The following EFHC2 variants were observed in gnomAD, a reference collection of about 807,000 sequenced individuals.
EFHC2 encodes the protein EF-hand domain containing 2.
Under a neutral mutation model 52.7 loss-of-function variants are expected in EFHC2, and 18 were observed. That is an observed-to-expected ratio of 0.34 (90% CI 0.24 to 0.51). EFHC2 has a LOEUF of 0.51. EFHC2 is among the 20% of genes least tolerant of loss of function. EFHC2 has a pLI of 0.97. For synonymous variants in EFHC2, 203 were observed against 204.1 expected (o/e 0.99, Z 0.04); for missense variants, 513 against 562.5 (o/e 0.91, Z 0.89).
intron 13 of EFHC2, among the ~76,000 whole-genome samples, chrX:44,172,692 G>T (rs185506027): frequency 6.0e-4 from 67 of 112,301 alleles, no homozygotes; most frequent in African/African-American, 2.1e-3. Flanking sequence ...CAGTCTTTCA[G>T]TGAGAGACTC....
In EFHC2 at chrX:44,261,067, T is replaced by C. The variant is rs781155773; in HGVS notation, c.606+8A>G. 20 of 1,194,353 alleles carry C rather than the reference T, an allele frequency of 1.7e-5. No homozygotes were observed. The highest frequency in any genetic ancestry group is 2.3e-5 in the Non-Finnish European group (20 of 882,847). The stretch of plus-strand genomic sequence containing the variant: ...AAGACAAGAACTCAACAAACGTCAA[T>C]TCCTTACCTCTCTCCGAATCTTCAT... On this transcript the variant is annotated splice_region_variant and intron_variant, in intron 4 of 14. Coordinates refer to ENST00000420999, the MANE Select transcript of EFHC2 (RefSeq NM_025184.4).
At chrX:44,196,451 T>A (rs1381363936) in intron 11 of EFHC2, among the ~76,000 whole-genome samples, 1 of 112,240 alleles carries the variant, frequency 8.9e-6, no homozygotes, top group African/African-American at 3.2e-5. Context: ...ACTGTCTACA[T>A]CTTTCTAGCT....
Position 44,178,563 on chromosome X carries a change from C to G in EFHC2, c.1753G>C (p.Asp585His). ...TNMVDYNTFR[D>H]ILMSLTVGNL... ...CCAACAGTCAAAGACATCAATATGTCTCTGTAATAAAAATGGAAAAACATT... is the reference window on the plus strand; with the variant it reads ...CCAACAGTCAAAGACATCAATATGTGTCTGTAATAAAAATGGAAAAACATT... Residue 585 changes from aspartate (D) to histidine (H), a missense_variant and splice_region_variant, in exon 12 of 15, where the codon GAC becomes CAC. Transcript: ENST00000420999. 1 of 1,169,433 alleles carries G rather than the reference C, an allele frequency of 8.6e-7. No homozygotes were observed. The highest frequency in any genetic ancestry group is 1.1e-6 in the Non-Finnish European group (1 of 876,887).
intron 13 of EFHC2, among the ~76,000 whole-genome samples, chrX:44,167,630 G>T (rs1005103886): frequency 1.4e-4 from 16 of 112,203 alleles, no homozygotes; most frequent in African/African-American, 5.2e-4. Flanking sequence ...GAGAAAAAAT[G>T]CTTGAACGAG....
chrX:44,220,620 G>A (rs1174255943), intron 11 of EFHC2, among the ~76,000 whole-genome samples: 4 of 111,605 alleles, frequency 3.6e-5, no homozygotes, highest in African/African-American at 9.8e-5. Flanking sequence ...AATCCTAACT[G>A]ATACATCAAA....
intron 2 of EFHC2, among the ~76,000 whole-genome samples, chrX:44,291,101 T>G (rs1192232809): frequency 8.9e-6 from 1 of 112,117 alleles, no homozygotes; most frequent in Non-Finnish European, 1.9e-5. Context: ...AGCATGAATT[T>G]AGTTTCTCCA....
At chrX:44,331,200 T>G (rs1239750019) in intron 1 of EFHC2, among the ~76,000 whole-genome samples, 1 of 111,914 alleles carries the variant, frequency 8.9e-6, no homozygotes, top group Non-Finnish European at 1.9e-5. Context: ...GTAGTAAAAA[T>G]GAATGAACAG....
intron 11 of EFHC2, among the ~76,000 whole-genome samples, chrX:44,222,312 C>T (rs1602160691): frequency 9.0e-6 from 1 of 111,405 alleles, no homozygotes; most frequent in East Asian, 2.8e-4. Flanking sequence ...AGGGCAAGTG[C>T]CATTCACCCC....
At chrX:44,335,374 T>C (rs2167383) in intron 1 of EFHC2, among the ~76,000 whole-genome samples, 39,727 of 109,252 alleles carry the variant, frequency 0.36, 5,391 homozygotes, top group South Asian at 0.46. Flanking sequence ...TTTGAGACCA[T>C]ACAAATGCCT....
chrX:44,319,719 T>C (rs2038005912), intron 1 of EFHC2, among the ~76,000 whole-genome samples: 1 of 112,165 alleles, frequency 8.9e-6, no homozygotes, highest in African/African-American at 3.2e-5. Flanking sequence ...TCATTTATGG[T>C]AAGGATATAA....
At chrX:44,195,491 A>T (rs2036958692) in intron 11 of EFHC2, among the ~76,000 whole-genome samples, 1 of 110,832 alleles carries the variant, frequency 9.0e-6, no homozygotes, top group Non-Finnish European at 1.9e-5. Context: ...CATTTATTAC[A>T]CATCAAAATT....
At chrX:44,161,818 G>T (rs1387894697) in intron 14 of EFHC2, among the ~76,000 whole-genome samples, 1 of 112,286 alleles carries the variant, frequency 8.9e-6, no homozygotes, top group Non-Finnish European at 1.9e-5. Context: ...GGTTATCAGG[G>T]CAAATGACAG....
chrX:44,213,541 G>A (rs1277481641), intron 11 of EFHC2, among the ~76,000 whole-genome samples: 1 of 111,977 alleles, frequency 8.9e-6, no homozygotes, highest in African/African-American at 3.2e-5. Flanking sequence ...AAGGGCGAGG[G>A]CTTCTAGGTT....
chrX:44,162,547 T>C (rs1010619472), intron 14 of EFHC2, among the ~76,000 whole-genome samples: 1 of 111,193 alleles, frequency 9.0e-6, no homozygotes, highest in Non-Finnish European at 1.9e-5. Flanking sequence ...ATGTCACCCT[T>C]ACAGGTATCT....
At chrX:44,287,235 G>T (rs1027489623) in intron 2 of EFHC2, among the ~76,000 whole-genome samples, 35 of 109,410 alleles carry the variant, frequency 3.2e-4, no homozygotes, top group African/African-American at 1.2e-3. Flanking sequence ...CACTCAACAA[G>T]GTAAGCAAGA....
intron 4 of EFHC2, among the ~76,000 whole-genome samples, chrX:44,253,253 C>T (rs2037466167): frequency 9.2e-6 from 1 of 108,209 alleles, no homozygotes; most frequent in African/African-American, 3.4e-5. Flanking sequence ...TTTTTTCATA[C>T]CCCAGTGGCG....
chrX:44,201,325 TTCAAG>T (rs1379736615), intron 11 of EFHC2, among the ~76,000 whole-genome samples: 2 of 110,786 alleles, frequency 1.8e-5, no homozygotes, highest in African/African-American at 6.6e-5. Context: ...GAAACACATA[TTCAAG>T]TCAAGAAGTT....
intron 12 of EFHC2, among the ~76,000 whole-genome samples, 167 bp from the exon 13 acceptor site, chrX:44,176,551 T>C (rs1372385527): frequency 8.9e-6 from 1 of 112,166 alleles, no homozygotes; most frequent in South Asian, 3.7e-4. Context: ...TCACATTTCA[T>C]TTCATCAACT....
intron 4 of EFHC2, among the ~76,000 whole-genome samples, chrX:44,253,307 G>A (rs993778054): frequency 1.8e-5 from 2 of 109,832 alleles, no homozygotes; most frequent in African/African-American, 3.3e-5. Flanking sequence ...CCCTGGAAAG[G>A]AGGTGGAAGC....
Sources: gnomAD v4.1 joint callset for allele counts (sites outside exome capture counted in the v4.1 genomes callset) on GRCh38, gnomAD v4.1.1 for gene constraint, MANE v1.5 for transcripts, NCBI Gene and HGNC (gene_info 2026-07-23, HGNC 2026-07-21) for gene names.